COL27A1: variants seen among roughly 807,000 people sequenced by gnomAD.
The protein encoded by COL27A1 is collagen type XXVII alpha 1 chain.
A neutral mutation model predicts 251.3 loss-of-function variants in COL27A1; 106 were observed. The ratio of observed to expected loss-of-function variants is 0.42; its 90% CI spans 0.36 to 0.50. COL27A1 has a LOEUF of 0.50. Among genes scored for constraint, COL27A1 ranks in the 20% least tolerant of loss-of-function variants. COL27A1 has a pLI of 0.00. For synonymous variants in COL27A1, 1,000 were observed against 986.3 expected, an observed-to-expected ratio of 1.01 and a Z score of -0.26; for missense variants, 2,325 against 2,522.8, an observed-to-expected ratio of 0.92 and a Z score of 1.68.
intron 41 of COL27A1, among the ~76,000 whole-genome samples, chr9:114,286,808 G>T (rs904342879): frequency 6.6e-6 from 1 of 152,136 alleles, no homozygotes; most frequent in Non-Finnish European, 1.5e-5. Context: ...AGTATAGCTG[G>T]CTTTGGGCCG....
Position 114,155,888 on chromosome 9 carries a change from C to A in COL27A1, c.-63C>A. On this transcript the variant is annotated 5_prime_UTR_variant, in exon 1 of 61. Coordinates refer to ENST00000356083, the MANE Select transcript of COL27A1 (RefSeq NM_032888.4). This position sits in a 1 kb window ranked among gnomAD's most constrained non-coding sequence, Gnocchi z 5.5. ...CTGGCGCGGCGGGGCGGGGGGCTGG[C>A]GGCCCCATGGGGCGCGCCCACACTT... 4.4e-6 allele frequency: 5 copies of A among 1,135,552 alleles called. No individual in the cohort carries two copies. Among genetic ancestry groups the A allele is most frequent in the Non-Finnish European group, 1.1e-6 (1 of 921,098 alleles). 70.3% of individuals were successfully genotyped at this position (1,135,552 alleles called of 1,614,324 possible). A position where few individuals can be genotyped will look rare whatever the true frequency, so the allele number is the denominator to read the frequency against.
chr9:114,216,523 G>C (rs1036433271), intron 12 of COL27A1, among the ~76,000 whole-genome samples: 1 of 152,210 alleles, frequency 6.6e-6, no homozygotes, highest in Non-Finnish European at 1.5e-5. Context: ...ACTTAGTAGC[G>C]GAGGGATGAG....
intron 48 of COL27A1, 82 bp from the exon 49 acceptor site, chr9:114,292,021 G>T (rs1303165503): frequency 4.1e-6 from 5 of 1,205,466 alleles, no homozygotes; most frequent in Non-Finnish European, 6.0e-6. Context: ...CACTGTTCTG[G>T]CTCTCCCAGG....
Position 114,290,353 on chromosome 9 carries a change from C to T in COL27A1, c.4368+22C>T, listed in dbSNP as rs1418191769. ...GCAGGTGAGCGGGAATTGGCATTAA[C>T]AGATGGTGGCTCCATTTGGGACCAG... On this transcript the variant is annotated intron_variant, in intron 47 of 60. Coordinates refer to ENST00000356083, the MANE Select transcript of COL27A1 (RefSeq NM_032888.4). The surrounding 1 kb of genome is among the most constrained non-coding windows in gnomAD (Gnocchi z 4.6). 1.3e-6 allele frequency: 2 copies of T among 1,542,136 alleles called. No homozygotes were observed. The highest frequency in any genetic ancestry group is 1.4e-5 in the African/African-American group (1 of 73,624).
chr9:114,283,569 C>T lies in COL27A1; in HGVS notation c.3880-140C>T, dbSNP rs1378754363. On this transcript the variant is annotated intron_variant, in intron 39 of 60. Coordinates refer to ENST00000356083, the MANE Select transcript of COL27A1 (RefSeq NM_032888.4). ...AGGGATAATGTTACTGGCTTTCCGC[C>T]TTGTTCACACACTTTGGTTATGGGC... is the stretch of plus-strand genomic sequence containing the variant. 4 of 710,562 alleles carry T rather than the reference C, an allele frequency of 5.6e-6. No individual in the cohort carries two copies. In the Admixed American group the frequency reaches 7.3e-5, roughly 13 times the overall value. The allele number at this position is 710,562 out of a possible 1,614,324, so 44.0% of individuals were successfully genotyped here.
At chr9:114,160,256 G>A (rs1000452116) in intron 1 of COL27A1, among the ~76,000 whole-genome samples, 1 of 151,460 alleles carries the variant, frequency 6.6e-6, no homozygotes, top group Non-Finnish European at 1.5e-5. Context: ...CTGGGTTCAC[G>A]CCATTCTCCT....
intron 20 of COL27A1, 71 bp from the exon 21 acceptor site, chr9:114,240,363 T>C: frequency 1.3e-6 from 2 of 1,587,298 alleles, no homozygotes; most frequent in Non-Finnish European, 1.7e-6. Flanking sequence ...GAAGCAGGGG[T>C]TGCCTTGCCA....
intron 29 of COL27A1, 38 bp from the exon 30 acceptor site, chr9:114,264,886 G>A: frequency 1.3e-6 from 2 of 1,595,756 alleles, no homozygotes; most frequent in South Asian, 1.1e-5. Flanking sequence ...GTCCTCCCAA[G>A]CACCCTCTCC....
intron 41 of COL27A1, among the ~76,000 whole-genome samples, chr9:114,286,546 G>T (rs1827501873): frequency 6.6e-6 from 1 of 152,112 alleles, no homozygotes; most frequent in Admixed American, 6.5e-5. Flanking sequence ...TACAAAGCTG[G>T]TGGCCAGAGA....
chr9:114,256,555 G>A (rs561177743), intron 27 of COL27A1, among the ~76,000 whole-genome samples: 18 of 152,016 alleles, frequency 1.2e-4, no homozygotes, highest in South Asian at 6.3e-4. Flanking sequence ...ACCTGCCTAG[G>A]GTCGCCCTGG....
intron 27 of COL27A1, among the ~76,000 whole-genome samples, chr9:114,258,066 G>C (rs1254729074): frequency 6.6e-6 from 1 of 152,128 alleles, no homozygotes; most frequent in Admixed American, 6.5e-5. Context: ...GCATGATGGT[G>C]CATGCCTGCA....
intron 49 of COL27A1, among the ~76,000 whole-genome samples, chr9:114,299,204 G>A (rs543984822): frequency 1.3e-5 from 2 of 152,184 alleles, no homozygotes; most frequent in Non-Finnish European, 2.9e-5. Context: ...CCCTTGGGAG[G>A]GAGATGACGT....
chr9:114,241,887 C>A (rs1229242878), intron 21 of COL27A1, among the ~76,000 whole-genome samples: 1 of 152,240 alleles, frequency 6.6e-6, no homozygotes, highest in Admixed American at 6.5e-5. Context: ...CATCTTTGAG[C>A]TGCAGTTTGA....
intron 21 of COL27A1, 32 bp from the exon 22 acceptor site, chr9:114,242,155 C>CT: frequency 1.3e-6 from 2 of 1,575,846 alleles, no homozygotes; most frequent in Admixed American, 1.9e-5. Context: ...TAACTTTCTC[C>CT]TTTTTTCCTC....
At chr9:114,185,194 TCTC>T (rs571424594) in intron 5 of COL27A1, among the ~76,000 whole-genome samples, 27 of 152,186 alleles carry the variant, frequency 1.8e-4, no homozygotes, top group Non-Finnish European at 3.4e-4. Flanking sequence ...GCAAGTGAGT[TCTC>T]CTGCCACCAC....
intron 24 of COL27A1, 167 bp downstream of exon 24, chr9:114,246,077 C>G: frequency 1.7e-6 from 1 of 577,028 alleles, no homozygotes; most frequent in Non-Finnish European, 3.1e-6. Context: ...CGGTGACCCT[C>G]AGAACGGGGA....
In COL27A1 at chr9:114,185,460, G is replaced by A. The variant is rs190836002; in HGVS notation, c.2016+2385G>A. ...CCCAGTTAACTGGGCCAGGGCCCTA[G>A]GCTGATCTGTGGCATGGGCAGGACA... On this transcript the variant is annotated intron_variant, in intron 5 of 60. Transcript: ENST00000356083. 1.7e-3 allele frequency among the ~76,000 whole-genome samples: 265 copies of A among 152,348 alleles called. 2 individuals carry two copies. Among genetic ancestry groups the A allele is most frequent in the Non-Finnish European group, 3.2e-3 (216 of 68,030 alleles).
intron 25 of COL27A1, among the ~76,000 whole-genome samples, chr9:114,251,917 A>G (rs918760961): frequency 5.3e-5 from 8 of 152,246 alleles, no homozygotes; most frequent in Non-Finnish European, 1.2e-4. Context: ...GCCTTGCTCC[A>G]TGGGAGCAGG....
At chr9:114,253,370 GACGAAAGAAAGAAAGAAA>G (rs1833691075) in intron 27 of COL27A1, among the ~76,000 whole-genome samples, 1 of 100,966 alleles carries the variant, frequency 9.9e-6, no homozygotes, top group African/African-American at 4.6e-5. Flanking sequence ...AAGAAAGAAA[GACGAAAGAAAGAAAGAAA>G]AAAGAAAGAG....
Sources: allele counts gnomAD v4.1 joint callset (sites outside exome capture counted in the v4.1 genomes callset), GRCh38; gene constraint gnomAD v4.1.1; non-coding constraint Gnocchi (gnomAD v3.1); transcripts MANE v1.5; gene names NCBI Gene and HGNC (gene_info 2026-07-23, HGNC 2026-07-21).